The following RNLS variants were observed in gnomAD, a reference collection of about 807,000 sequenced individuals.
The protein encoded by RNLS is renalase.
Under a neutral mutation model 39.8 loss-of-function variants are expected in RNLS, and 39 were observed. That is an observed-to-expected ratio of 0.98 (90% CI 0.76 to 1.28). The LOEUF (loss-of-function observed/expected upper bound fraction) is 1.28. RNLS is among the 50% of genes most tolerant of loss of function. The pLI is 0.00. For missense variants in RNLS, 410 were observed against 413.3 expected (o/e 0.99, Z 0.07); for synonymous variants, 147 against 150.7 (o/e 0.98, Z 0.18).
At chr10:88,332,615 G>T (rs1170056750) in intron 5 of RNLS, among the ~76,000 whole-genome samples, 1 of 152,184 alleles carries the variant, frequency 6.6e-6, no homozygotes, top group Non-Finnish European at 1.5e-5. Flanking sequence ...AAGGTAATTG[G>T]CCTGGAAAAG....
At chr10:88,203,342 ATGTGTATATATATACGTATGTGTG>A in the RNLS span, among the ~76,000 whole-genome samples, 1 of 10,630 alleles carries the variant, frequency 9.4e-5, no homozygotes, top group African/African-American at 4.7e-4. Flanking sequence ...ATATACACGT[ATGTGTATATATATACGTATGTGTG>A]TGTATATATA....
intron 4 of RNLS, among the ~76,000 whole-genome samples, chr10:88,459,639 A>G (rs980134594): frequency 2.0e-5 from 3 of 152,138 alleles, no homozygotes; most frequent in African/African-American, 7.2e-5. Flanking sequence ...AAAACAAATG[A>G]CTGGGCATGT....
rs3033889 is a variant in RNLS, at chr10:88,559,662, C to CTCATTCATTCATTCATTCATTCAT, written c.526+13240_526+13241insATGAATGAATGAATGAATGAATGA. On this transcript the variant is annotated intron_variant, in intron 4 of 6. Coordinates refer to ENST00000331772, the MANE Select transcript of RNLS (RefSeq NM_001031709.3). ...TCCAAGACGTTTTCAGATTGTTTCA[C>CTCATTCATTCATTCATTCATTCAT]TCATTCATTCATTCATTCATTCAAT... Among the ~76,000 whole-genome samples, 170 of 151,188 alleles carry CTCATTCATTCATTCATTCATTCAT rather than the reference C, an allele frequency of 1.1e-3. 2 individuals carry two copies. The highest frequency in any genetic ancestry group is 1.6e-3 in the East Asian group (8 of 5,130).
chr10:88,428,368 T>G (rs1202817215), intron 4 of RNLS, among the ~76,000 whole-genome samples: 1 of 151,858 alleles, frequency 6.6e-6, no homozygotes, highest in Non-Finnish European at 1.5e-5. Flanking sequence ...TCATTTACCT[T>G]TCTCAAATTT....
intron 4 of RNLS, among the ~76,000 whole-genome samples, chr10:88,386,035 T>G (rs1851840181): frequency 6.6e-6 from 1 of 152,184 alleles, no homozygotes. Context: ...GTGGCTTTTT[T>G]ACGTTAAGGA....
the RNLS span, among the ~76,000 whole-genome samples, chr10:88,214,278 G>C: frequency 1.6e-3 from 244 of 152,258 alleles, 1 homozygote; most frequent in Middle Eastern, 0.017. Context: ...TCAGGGCAGG[G>C]AAGTCAGGCA....
chr10:88,221,010 A>C, the RNLS span, among the ~76,000 whole-genome samples: 1 of 152,114 alleles, frequency 6.6e-6, no homozygotes, highest in Non-Finnish European at 1.5e-5. Flanking sequence ...ACTCTGGTGC[A>C]TTTGCTTCTC....
At chr10:88,487,609 G>C (rs1287209473) in intron 4 of RNLS, among the ~76,000 whole-genome samples, 1 of 152,120 alleles carries the variant, frequency 6.6e-6, no homozygotes, top group Non-Finnish European at 1.5e-5. Context: ...GGAGAAAATG[G>C]AACTCTCATA....
the RNLS span, among the ~76,000 whole-genome samples, chr10:88,207,171 G>A: frequency 1.3e-5 from 2 of 152,084 alleles, no homozygotes; most frequent in Admixed American, 6.6e-5. Context: ...AAAGAGAAAC[G>A]AAGATAAGTG....
At chr10:88,495,224 C>T (rs1439701108) in intron 4 of RNLS, among the ~76,000 whole-genome samples, 2 of 152,000 alleles carry the variant, frequency 1.3e-5, no homozygotes, top group African/African-American at 2.4e-5. Flanking sequence ...AGGGACTTTC[C>T]AAGCATTGCA....
chr10:88,248,084 A>C, the RNLS span, among the ~76,000 whole-genome samples: 1 of 152,222 alleles, frequency 6.6e-6, no homozygotes, highest in South Asian at 2.1e-4. Context: ...CCAAGTTTTT[A>C]ATAATTTTTT....
the RNLS span, among the ~76,000 whole-genome samples, chr10:88,206,694 G>A: frequency 6.6e-6 from 1 of 152,154 alleles, no homozygotes; most frequent in East Asian, 1.9e-4. Context: ...TCTTGCTAAA[G>A]TGAATGTCAT....
intron 4 of RNLS, among the ~76,000 whole-genome samples, chr10:88,440,919 A>G (rs1841675092): frequency 6.6e-6 from 1 of 152,202 alleles, no homozygotes; most frequent in Non-Finnish European, 1.5e-5. Context: ...GGTTCTGTTC[A>G]GGAGAAAGAA....
chr10:88,582,633 C>A (rs1426978355), intron 1 of RNLS, among the ~76,000 whole-genome samples: 1 of 152,238 alleles, frequency 6.6e-6, no homozygotes, highest in South Asian at 2.1e-4. Flanking sequence ...CAGGATTCTG[C>A]AAACTAGATC....
chr10:88,492,875 G>C (rs1351550815), intron 4 of RNLS, among the ~76,000 whole-genome samples: 1 of 152,084 alleles, frequency 6.6e-6, no homozygotes, highest in African/African-American at 2.4e-5. Flanking sequence ...TTAGAGACAT[G>C]ATATGTTTTC....
chr10:88,423,524 T>A (rs543356514), intron 4 of RNLS, among the ~76,000 whole-genome samples: 6 of 152,326 alleles, frequency 3.9e-5, no homozygotes, highest in African/African-American at 1.4e-4. Context: ...ACAAGGAGTG[T>A]GGTGCTGAGT....
intron 4 of RNLS, among the ~76,000 whole-genome samples, chr10:88,448,019 A>C (rs571370699): frequency 6.6e-6 from 1 of 152,240 alleles, no homozygotes; most frequent in Non-Finnish European, 1.5e-5. Context: ...AAGATGGATT[A>C]AAGACTTAAA....
intron 4 of RNLS, among the ~76,000 whole-genome samples, chr10:88,467,883 C>T (rs1424597539): frequency 2.6e-5 from 4 of 152,166 alleles, no homozygotes; most frequent in African/African-American, 9.7e-5. Context: ...CCTGCTGAGT[C>T]AGAATCTGTA....
At chr10:88,341,071 A>C (rs201153882) in intron 5 of RNLS, among the ~76,000 whole-genome samples, 21 of 129,202 alleles carry the variant, frequency 1.6e-4, no homozygotes, top group African/African-American at 2.9e-4. Context: ...AAAAAAAAAA[A>C]CAAAAAACAG....
Sources: gnomAD v4.1 joint callset for allele counts (sites outside exome capture counted in the v4.1 genomes callset) on GRCh38, gnomAD v4.1.1 for gene constraint, MANE v1.5 for transcripts, NCBI Gene and HGNC (gene_info 2026-07-23, HGNC 2026-07-21) for gene names.